The following ADAMTSL1 variants were observed in gnomAD, a reference collection of about 807,000 sequenced individuals.
The protein encoded by ADAMTSL1 is ADAMTS-like protein 1.
A neutral mutation model predicts 201.8 loss-of-function variants in ADAMTSL1; 126 were observed. The observed-to-expected ratio is 0.62, with a 90% CI of 0.54 to 0.72. The LOEUF (loss-of-function observed/expected upper bound fraction) is 0.72, where lower values mean the gene tolerates loss of function less well. Ranked by LOEUF, ADAMTSL1 falls within the 30% of genes least tolerant of loss-of-function variation. The probability of loss-of-function intolerance (pLI) is 0.00; values close to 1 mark genes in which losing one functional copy is unlikely to be tolerated. For synonymous variants in ADAMTSL1, 1,121 were observed against 903.4 expected (o/e 1.24, Z -4.32); for missense variants, 2,679 against 2,277.8 (o/e 1.18, Z -3.59).
chr9:18,176,645 AG>A (rs1828173296), intron 2 of ADAMTSL1, among the ~76,000 whole-genome samples: 1 of 152,214 alleles, frequency 6.6e-6, no homozygotes, highest in South Asian at 2.1e-4. Context: ...TAAAGAATAC[AG>A]GAATTCAACT....
chr9:18,070,467 TGA>T (rs981393845), intron 1 of ADAMTSL1, among the ~76,000 whole-genome samples: 7 of 152,026 alleles, frequency 4.6e-5, no homozygotes, highest in African/African-American at 1.2e-4. Flanking sequence ...ATTGAAGAAA[TGA>T]GAGAGAGAGG....
chr9:18,671,129 G>C (rs1428290312), intron 9 of ADAMTSL1, among the ~76,000 whole-genome samples: 2 of 151,992 alleles, frequency 1.3e-5, no homozygotes, highest in Non-Finnish European at 2.9e-5. Flanking sequence ...AATATTTTCA[G>C]GCTATGGTTG....
chr9:17,936,494 G>A (rs1015483247), intron 1 of ADAMTSL1, among the ~76,000 whole-genome samples: 3 of 152,114 alleles, frequency 2.0e-5, no homozygotes, highest in Non-Finnish European at 4.4e-5. Flanking sequence ...AGTAGCCTTC[G>A]TTTCCCTTCC....
At chr9:18,288,601 A>T (rs567394096) in intron 2 of ADAMTSL1, among the ~76,000 whole-genome samples, 135 of 152,334 alleles carry the variant, frequency 8.9e-4, no homozygotes, top group African/African-American at 3.1e-3. Context: ...CAGGAAGGCA[A>T]GAAGGCAGGA....
At chr9:18,368,129 A>G (rs1336284805) in intron 2 of ADAMTSL1, among the ~76,000 whole-genome samples, 1 of 150,714 alleles carries the variant, frequency 6.6e-6, no homozygotes, top group Non-Finnish European at 1.5e-5. Flanking sequence ...TTTCGCCAGG[A>G]TGGTCTCCAT....
intron 2 of ADAMTSL1, among the ~76,000 whole-genome samples, chr9:18,208,152 T>C (rs1462148037): frequency 1.3e-5 from 2 of 152,164 alleles, no homozygotes; most frequent in Non-Finnish European, 2.9e-5. Context: ...TTACATCTAG[T>C]AGGTGCTCAC....
chr9:18,568,372 G>A (rs1319005052), intron 3 of ADAMTSL1, among the ~76,000 whole-genome samples: 2 of 152,146 alleles, frequency 1.3e-5, no homozygotes, highest in Non-Finnish European at 2.9e-5. Context: ...AGATTCGAAA[G>A]CTTTAGAGGA....
At chr9:17,939,548 T>A (rs867110671) in intron 1 of ADAMTSL1, among the ~76,000 whole-genome samples, 7 of 152,126 alleles carry the variant, frequency 4.6e-5, no homozygotes, top group South Asian at 4.1e-4. Context: ...GTATGACTGT[T>A]GACATATAAA....
intron 16 of ADAMTSL1, among the ~76,000 whole-genome samples, chr9:18,754,591 C>T (rs1333072486): frequency 6.6e-6 from 1 of 152,184 alleles, no homozygotes; most frequent in Non-Finnish European, 1.5e-5. Context: ...ATACCATTGC[C>T]TTGTGCAGAA....
intron 20 of ADAMTSL1, among the ~76,000 whole-genome samples, chr9:18,814,987 T>G (rs183912438): frequency 3.7e-4 from 56 of 152,126 alleles, no homozygotes; most frequent in African/African-American, 1.3e-3. Flanking sequence ...CAGAGAAATG[T>G]AAACCAAAAC....
chr9:18,078,876 C>T (rs957909722), intron 1 of ADAMTSL1, among the ~76,000 whole-genome samples: 1 of 152,210 alleles, frequency 6.6e-6, no homozygotes, highest in Non-Finnish European at 1.5e-5. Context: ...TCTCTGGCAT[C>T]AAGAAACAAT....
In ADAMTSL1 at chr9:18,511,710, C is replaced by T. The variant is rs181987977; in HGVS notation, c.191+6754C>T. 5.7e-3 allele frequency among the ~76,000 whole-genome samples: 866 copies of T among 152,196 alleles called. 8 individuals are homozygous for T. The highest frequency in any genetic ancestry group is 0.02 in the African/African-American group (818 of 41,542). ...AGCTAACTTCTCTGATTTTTAATTG[C>T]AAACACAGATATTCTGCCATGAAAA... On this transcript the variant is annotated intron_variant, in intron 2 of 28. Coordinates refer to ENST00000380548, the MANE Select transcript of ADAMTSL1 (RefSeq NM_001040272.6).
At chr9:18,068,505 C>T (rs766092255) in intron 1 of ADAMTSL1, among the ~76,000 whole-genome samples, 1 of 151,996 alleles carries the variant, frequency 6.6e-6, no homozygotes, top group Admixed American at 6.6e-5. Context: ...TTTTGCTATT[C>T]TCTGGGGTTC....
At chr9:18,185,515 C>T (rs559518082) in intron 2 of ADAMTSL1, among the ~76,000 whole-genome samples, 3 of 152,196 alleles carry the variant, frequency 2.0e-5, no homozygotes, top group Non-Finnish European at 4.4e-5. Context: ...TATTATTAGC[C>T]ACTAAGTTTG....
At position 18,311,135 on chromosome 9, in the gene ADAMTSL1, A is replaced by T. The variant is rs190574542; in HGVS notation, c.207+147154A>T. On this transcript the variant is annotated intron_variant, in intron 2 of 29. Transcript: ENST00000680146. Reference sequence around the variant, plus strand: ...AACCAAACAGCGCATCTTCTCACTCATAAGTGGGAGCTGAACTATGAGAAC... The same window carrying T: ...AACCAAACAGCGCATCTTCTCACTCTTAAGTGGGAGCTGAACTATGAGAAC... Among the ~76,000 whole-genome samples the T allele has an allele frequency of 3.9e-5, 6 of 152,174 alleles. No individual in the cohort carries two copies. In the East Asian group the frequency reaches 9.7e-4, roughly 25 times the overall value.
intron 2 of ADAMTSL1, among the ~76,000 whole-genome samples, chr9:18,365,738 C>G (rs565147800): frequency 1.3e-5 from 2 of 152,186 alleles, no homozygotes; most frequent in South Asian, 4.2e-4. Flanking sequence ...GTGTCCATCC[C>G]CCGGGCTGTG....
chr9:18,843,141 A>G (rs992097587), intron 23 of ADAMTSL1, among the ~76,000 whole-genome samples: 9 of 150,758 alleles, frequency 6.0e-5, no homozygotes, highest in Non-Finnish European at 1.2e-4. Flanking sequence ...AATGGTCTTT[A>G]CAATTTGGCA....
At chr9:18,373,281 T>C (rs1399839082) in intron 2 of ADAMTSL1, among the ~76,000 whole-genome samples, 3 of 152,188 alleles carry the variant, frequency 2.0e-5, no homozygotes, top group African/African-American at 7.2e-5. Context: ...CAAAGAGCTT[T>C]CCACTTTTCT....
intron 2 of ADAMTSL1, among the ~76,000 whole-genome samples, chr9:18,423,868 C>T (rs1169003536): frequency 1.3e-5 from 2 of 152,132 alleles, no homozygotes; most frequent in Non-Finnish European, 2.9e-5. Context: ...TATCTTCAAT[C>T]CTAACTTTCA....
Sources: allele counts gnomAD v4.1 joint callset (sites outside exome capture counted in the v4.1 genomes callset), GRCh38; gene constraint gnomAD v4.1.1; transcripts MANE v1.5; gene names NCBI Gene and HGNC (gene_info 2026-07-23, HGNC 2026-07-21).